The following SBF2 variants were observed in gnomAD, a reference collection of about 807,000 sequenced individuals.
The protein encoded by SBF2 is SET binding factor 2.
Under a neutral mutation model 225.2 loss-of-function variants are expected in SBF2, and 112 were observed. That is an observed-to-expected ratio of 0.50 (90% CI 0.43 to 0.58). The LOEUF (loss-of-function observed/expected upper bound fraction) is 0.58, where lower values mean the gene tolerates loss of function less well. Among genes scored for constraint, SBF2 ranks in the 20% least tolerant of loss-of-function variants. SBF2 has a pLI of 0.00. For synonymous variants in SBF2, 763 were observed against 773.3 expected (o/e 0.99, Z 0.22); for missense variants, 1,996 against 2,206.2 (o/e 0.90, Z 1.91).
intron 2 of SBF2, among the ~76,000 whole-genome samples, chr11:10,148,961 A>C (rs1955026670): frequency 6.6e-6 from 1 of 152,020 alleles, no homozygotes; most frequent in Non-Finnish European, 1.5e-5. Flanking sequence ...GCCACATATG[A>C]AGTTGGTGTT....
chr11:9,782,049 G>T (rs1852042371), intron 38 of SBF2, among the ~76,000 whole-genome samples: 1 of 151,998 alleles, frequency 6.6e-6, no homozygotes, highest in African/African-American at 2.4e-5. Context: ...AGCCAATCGT[G>T]GTGGTGCATG....
intron 6 of SBF2, among the ~76,000 whole-genome samples, chr11:10,004,499 A>T (rs1352711426): frequency 6.6e-6 from 1 of 150,922 alleles, no homozygotes; most frequent in Non-Finnish European, 1.5e-5. Flanking sequence ...CACCAAGCCA[A>T]AGGGAAGTCA....
At chr11:9,786,068 A>AT (rs1308558424) in intron 36 of SBF2, among the ~76,000 whole-genome samples, 1 of 152,030 alleles carries the variant, frequency 6.6e-6, no homozygotes, top group African/African-American at 2.4e-5. Flanking sequence ...GAGTTTCACC[A>AT]TGCTGGCTAT....
intron 1 of SBF2, among the ~76,000 whole-genome samples, chr11:10,238,356 G>A (rs1959164177): frequency 6.6e-6 from 1 of 151,982 alleles, no homozygotes; most frequent in Admixed American, 6.5e-5. Flanking sequence ...GCTGTGGTGA[G>A]CCATGATTGT....
At chr11:9,817,768 C>A (rs7934411) in intron 28 of SBF2, among the ~76,000 whole-genome samples, 29,435 of 63,726 alleles carry the variant, frequency 0.46, 5,535 homozygotes, top group Non-Finnish European at 0.52. Flanking sequence ...AAAAAAAAAA[C>A]TACAAAAAGA....
At chr11:9,972,387 A>G (rs565823975) in intron 13 of SBF2, among the ~76,000 whole-genome samples, 8 of 152,166 alleles carry the variant, frequency 5.3e-5, no homozygotes, top group Non-Finnish European at 1.2e-4. Flanking sequence ...CCATGCTTCT[A>G]TAACTAAAGC....
At chr11:9,883,615 T>C (rs1055089952) in intron 17 of SBF2, among the ~76,000 whole-genome samples, 1 of 152,156 alleles carries the variant, frequency 6.6e-6, no homozygotes, top group Non-Finnish European at 1.5e-5. Context: ...TTATTATATT[T>C]TATGAGTTAT....
chr11:9,913,810 A>G (rs1464132543), intron 16 of SBF2, among the ~76,000 whole-genome samples: 1 of 152,186 alleles, frequency 6.6e-6, no homozygotes, highest in Non-Finnish European at 1.5e-5. Flanking sequence ...CTTCCCTGAC[A>G]CTTTACCACA....
intron 28 of SBF2, among the ~76,000 whole-genome samples, chr11:9,817,954 A>T (rs1357901919): frequency 1.3e-5 from 2 of 151,754 alleles, no homozygotes; most frequent in African/African-American, 4.8e-5. Flanking sequence ...TCTTTATTTT[A>T]TTTTTTTTGA....
intron 26 of SBF2, 22 bp from the exon 27 acceptor site, chr11:9,832,442 A>G: frequency 6.3e-7 from 1 of 1,575,260 alleles, no homozygotes; most frequent in Non-Finnish European, 8.7e-7. Context: ...TAGAATAGAG[A>G]AGAGAATGAT....
At chr11:10,296,729 T>C (rs1964552912), upstream of SBF2, among the ~76,000 whole-genome samples, 1 of 152,176 alleles carries the variant, frequency 6.6e-6, no homozygotes, top group Non-Finnish European at 1.5e-5. Flanking sequence ...GTTTTCAATT[T>C]TGGGGATATA....
chr11:9,959,681 T>A (rs548451842), intron 16 of SBF2: 2 of 731,214 alleles, frequency 2.7e-6, no homozygotes, highest in Admixed American at 1.7e-5. Flanking sequence ...CTTGCTTGAG[T>A]ACCATCGATT....
chr11:10,118,516 G>GA (rs146053547), intron 2 of SBF2, among the ~76,000 whole-genome samples: 27,226 of 151,928 alleles, frequency 0.18, 2,603 homozygotes, highest in East Asian at 0.28. Context: ...AATATGGTCA[G>GA]AGGTATACAT....
At chr11:9,899,732 C>A (rs1308244999) in intron 16 of SBF2, among the ~76,000 whole-genome samples, 1 of 152,006 alleles carries the variant, frequency 6.6e-6, no homozygotes, top group Non-Finnish European at 1.5e-5. Context: ...TCAATATGGT[C>A]CCCATTTCTA....
At chr11:9,897,830 C>T (rs772919137) in intron 16 of SBF2, among the ~76,000 whole-genome samples, 1 of 152,192 alleles carries the variant, frequency 6.6e-6, no homozygotes, top group Admixed American at 6.5e-5. Flanking sequence ...AGCCACAGAG[C>T]CACAACTGGA....
At chr11:9,885,057 C>T (rs754833303) in intron 17 of SBF2, among the ~76,000 whole-genome samples, 8 of 151,734 alleles carry the variant, frequency 5.3e-5, no homozygotes, top group Non-Finnish European at 8.8e-5. Flanking sequence ...TCGAGACTAG[C>T]CTGGCCAACA....
At chr11:9,795,687 A>G (rs1035631720) in intron 33 of SBF2, 144 bp downstream of exon 33, 22 of 960,992 alleles carry the variant, frequency 2.3e-5, no homozygotes, top group Non-Finnish European at 3.3e-5. Context: ...GAATTTGGCC[A>G]CTTATCCACT....
At chr11:10,204,996 C>A (rs147834709) in intron 1 of SBF2, among the ~76,000 whole-genome samples, 2 of 148,228 alleles carry the variant, frequency 1.3e-5, no homozygotes, top group African/African-American at 5.0e-5. Context: ...CAATACACAC[C>A]GCGGCCTGTT....
At chr11:10,285,608 C>A (rs929298756) in intron 1 of SBF2, among the ~76,000 whole-genome samples, 9 of 152,140 alleles carry the variant, frequency 5.9e-5, no homozygotes, top group Non-Finnish European at 1.2e-4. Context: ...TCACTTCATC[C>A]TCTTCATTTA....
Sources: allele counts gnomAD v4.1 joint callset (sites outside exome capture counted in the v4.1 genomes callset), GRCh38; gene constraint gnomAD v4.1.1; transcripts MANE v1.5; gene names NCBI Gene and HGNC (gene_info 2026-07-23, HGNC 2026-07-21).